MIS18BP1: variants seen among roughly 807,000 people sequenced by gnomAD.
MIS18BP1 encodes the protein MIS18 binding protein 1.
A neutral mutation model predicts 116.1 loss-of-function variants in MIS18BP1; 72 were observed. The ratio of observed to expected loss-of-function variants is 0.62; its 90% CI spans 0.51 to 0.75. MIS18BP1 has a LOEUF of 0.75. Ranked by LOEUF, MIS18BP1 falls within the 30% of genes least tolerant of loss-of-function variation. MIS18BP1 has a pLI of 0.00. For synonymous variants in MIS18BP1, 386 were observed against 427.0 expected (o/e 0.90, Z 1.18); for missense variants, 1,363 against 1,303.2 (o/e 1.05, Z -0.71).
intron 14 of MIS18BP1, among the ~76,000 whole-genome samples, chr14:45,208,914 G>T (rs964245748): frequency 8.5e-5 from 13 of 152,074 alleles, no homozygotes; most frequent in Admixed American, 5.2e-4. Context: ...CCTCTTACTT[G>T]CCAAATGGAA....
chr14:45,216,721 C>A (rs1890828050), intron 13 of MIS18BP1, among the ~76,000 whole-genome samples: 1 of 152,146 alleles, frequency 6.6e-6, no homozygotes, highest in Non-Finnish European at 1.5e-5. Context: ...CTTTTATCAA[C>A]TTTAAAAAAA....
chr14:45,207,169 T>C (rs1004200931), intron 14 of MIS18BP1, among the ~76,000 whole-genome samples: 1 of 152,212 alleles, frequency 6.6e-6, no homozygotes, highest in Non-Finnish European at 1.5e-5. Context: ...ATCCCACTTA[T>C]GACAGTAAAT....
chr14:45,221,477 T>C lies in MIS18BP1; in HGVS notation c.2669+2441A>G, dbSNP rs575962465. 4.7e-5 allele frequency among the ~76,000 whole-genome samples: 7 copies of C among 149,294 alleles called. No homozygotes were observed. The South Asian group carries it at 1.2e-3, about 27-fold the overall frequency. On this transcript the variant is annotated intron_variant, in intron 11 of 16. Transcript: ENST00000310806. ...AAATAAAATAAAATAAAAGAATATT[T>C]TCTACTTTCCTTTAAGTCTTCTTCT...
intron 1 of MIS18BP1, among the ~76,000 whole-genome samples, chr14:45,251,473 A>C (rs1891872810): frequency 6.6e-6 from 1 of 152,182 alleles, no homozygotes. Context: ...TCCTCCTCCC[A>C]AAAAACATGG....
chr14:45,217,273 T>A, intron 12 of MIS18BP1, 94 bp from the exon 13 acceptor site: 1 of 1,416,232 alleles, frequency 7.1e-7, no homozygotes. Context: ...AAATTGTGCA[T>A]TCATGTTAAA....
chr14:45,203,364 T>A lies in MIS18BP1; in HGVS notation c.*745A>T, dbSNP rs1011875871. 4 of 152,284 alleles carry A rather than the reference T, an allele frequency of 2.6e-5. No individual in the cohort carries two copies. Among genetic ancestry groups the A allele is most frequent in the Middle Eastern group, 3.4e-3 (1 of 294 alleles). The allele number at this position is 152,284 out of a possible 1,614,324, so 9.4% of individuals were successfully genotyped here. On this transcript the variant is annotated 3_prime_UTR_variant, in exon 17 of 17. Coordinates refer to ENST00000310806, the MANE Select transcript of MIS18BP1 (RefSeq NM_018353.5). ...AAAAAGGATGTTTATTATGACATAA[T>A]ATATTGATTCCTAATGGTGGATCTA...
chr14:45,215,686 C>G lies in MIS18BP1; in HGVS notation c.3003+1333G>C, dbSNP rs570127240. ...TTGGCCTCCCAAAGTGTTGGGATTA[C>G]AGGTGTGAGCCACTGCACCCGGCTT... is the stretch of plus-strand genomic sequence containing the variant. On this transcript the variant is annotated intron_variant, in intron 13 of 16. Coordinates refer to ENST00000310806, the MANE Select transcript of MIS18BP1 (RefSeq NM_018353.5). 2.0e-5 allele frequency among the ~76,000 whole-genome samples: 3 copies of G among 148,704 alleles called. No homozygotes were observed. The South Asian group carries it at 6.4e-4, about 32-fold the overall frequency.
At position 45,246,783 on chromosome 14, in the gene MIS18BP1, T is replaced by C; in HGVS notation, c.504A>G (p.Glu168=). Residue 168 remains glutamate (E), a synonymous_variant, in exon 2 of 17, where the codon GAA becomes GAG. Coordinates refer to ENST00000310806, the MANE Select transcript of MIS18BP1 (RefSeq NM_018353.5). ...LQHTYLCEEK[E]NNKSFQSDDS... is the part of the protein sequence containing the mutation. The stretch of plus-strand genomic sequence containing the variant: ...CATCTGACTGGAATGATTTGTTGTT[T>C]TCCTTTTCTTCACATAGGTAGGTAT... 6.3e-7 allele frequency: 1 copy of C among 1,579,022 alleles called. No homozygotes were observed. Among genetic ancestry groups the C allele is most frequent in the African/African-American group, 1.4e-5 (1 of 72,620 alleles).
chr14:45,231,334 G>A (rs777701944), intron 7 of MIS18BP1, 36 bp from the exon 8 acceptor site: 2 of 1,488,040 alleles, frequency 1.3e-6, no homozygotes, highest in Non-Finnish European at 1.8e-6. Context: ...CCTTAATACT[G>A]ATTCTCAAAA....
At position 45,242,527 on chromosome 14, in the gene MIS18BP1, A is replaced by G. The variant is rs199563726; in HGVS notation, c.659-9T>C. On this transcript the variant is annotated splice_polypyrimidine_tract_variant and intron_variant, in intron 3 of 16. Transcript: ENST00000310806. ...GTTCAGAGTTGGAAGTTCTGCAAAA[A>G]ATACAAAACAAAACAAAACAAAACA... The G allele has an allele frequency of 2.1e-5, 33 of 1,563,528 alleles. No homozygotes were observed. Among genetic ancestry groups the G allele is most frequent in the Non-Finnish European group, 3.4e-6 (4 of 1,163,360 alleles).
intron 1 of MIS18BP1, among the ~76,000 whole-genome samples, chr14:45,252,767 TAA>T (rs35727165): frequency 6.8e-4 from 92 of 135,572 alleles, no homozygotes; most frequent in African/African-American, 9.5e-4. Flanking sequence ...CTTGGTATTC[TAA>T]AAAAAAAAAA....
chr14:45,210,663 G>A (rs376435286), intron 13 of MIS18BP1, 135 bp from the exon 14 acceptor site: 12 of 952,814 alleles, frequency 1.3e-5, no homozygotes, highest in African/African-American at 6.7e-5. Context: ...ACAGTAGTAC[G>A]TAGAGGAGTA....
intron 2 of MIS18BP1, among the ~76,000 whole-genome samples, chr14:45,243,924 T>C (rs1191593065): frequency 1.3e-5 from 2 of 152,178 alleles, no homozygotes; most frequent in Non-Finnish European, 2.9e-5. Context: ...GGTCAGGTAT[T>C]TCTTACTCTC....
intron 4 of MIS18BP1, among the ~76,000 whole-genome samples, chr14:45,240,135 G>C (rs1033029180): frequency 3.3e-5 from 5 of 151,946 alleles, no homozygotes; most frequent in Non-Finnish European, 7.4e-5. Flanking sequence ...CATAGAGATG[G>C]AATTTAAAAC....
Position 45,252,329 on chromosome 14 carries a change from T to C in MIS18BP1, c.-92+706A>G, listed in dbSNP as rs116965387. On this transcript the variant is annotated intron_variant, in intron 1 of 16. Transcript: ENST00000310806. ...CAATAAAAAGATATATATGTACTTA[T>C]ATGGAAAAGTATCCAAGAAACATTA... Among the ~76,000 whole-genome samples, 10 of 152,368 alleles carry C rather than the reference T, an allele frequency of 6.6e-5. No homozygotes were observed. In the East Asian group the frequency reaches 1.5e-3, roughly 23 times the overall value.
chr14:45,224,790 A>G (rs1288304803), intron 10 of MIS18BP1, 44 bp from the exon 11 acceptor site: 2 of 1,335,270 alleles, frequency 1.5e-6, no homozygotes, highest in Non-Finnish European at 2.1e-6. Flanking sequence ...ATCTCAAATT[A>G]GCTATAAACA....
intron 11 of MIS18BP1, among the ~76,000 whole-genome samples, chr14:45,222,162 T>C (rs897430800): frequency 6.6e-6 from 1 of 152,228 alleles, no homozygotes; most frequent in Non-Finnish European, 1.5e-5. Context: ...CAGCATATAG[T>C]TAGATCATGT....
intron 6 of MIS18BP1, among the ~76,000 whole-genome samples, chr14:45,235,459 C>T (rs1180896618): frequency 2.4e-4 from 37 of 151,400 alleles, no homozygotes. Flanking sequence ...GGTGTGGTGG[C>T]AGGCACCTTA....
intron 9 of MIS18BP1, 69 bp downstream of exon 9, chr14:45,227,594 A>C (rs1179930046): frequency 1.2e-5 from 17 of 1,399,522 alleles, no homozygotes; most frequent in Non-Finnish European, 1.6e-5. Context: ...TATGGTCCCA[A>C]ACCTTTTCAG....
Sources: gnomAD v4.1 joint callset for allele counts (sites outside exome capture counted in the v4.1 genomes callset) on GRCh38, gnomAD v4.1.1 for gene constraint, MANE v1.5 for transcripts, NCBI Gene and HGNC (gene_info 2026-07-23, HGNC 2026-07-21) for gene names.